The following PAX3 variants were observed in gnomAD, a reference collection of about 807,000 sequenced individuals.
PAX3 encodes the protein paired box 3, also known as paired box protein Pax-3.
In PAX3, 14 loss-of-function variants were observed where a neutral mutation model predicts 51.6. The ratio of observed to expected loss-of-function variants is 0.27; its 90% CI spans 0.18 to 0.42. The LOEUF is 0.42. Among genes scored for constraint, PAX3 ranks in the 10% least tolerant of loss-of-function variants. The probability of loss-of-function intolerance (pLI) is 1.00; values close to 1 mark genes in which losing one functional copy is unlikely to be tolerated. For missense variants in PAX3, 540 were observed against 642.8 expected, an observed-to-expected ratio of 0.84 and a Z score of 1.73; for synonymous variants, 280 against 253.4, an observed-to-expected ratio of 1.11 and a Z score of -1.00.
Position 222,251,572 on chromosome 2 carries a change from A to G in PAX3, c.587-19289T>C, listed in dbSNP as rs573369053. 2.0e-5 allele frequency among the ~76,000 whole-genome samples: 3 copies of G among 152,272 alleles called. No homozygotes were observed. The South Asian group carries it at 6.2e-4, about 32-fold the overall frequency. ...GTGAATAGTGCCACAATAAACATACATGTGCATGTGTCTTTATAGCAGCAT... is the reference window on the plus strand; with the variant it reads ...GTGAATAGTGCCACAATAAACATACGTGTGCATGTGTCTTTATAGCAGCAT... On this transcript the variant is annotated intron_variant, in intron 4 of 8. Coordinates refer to ENST00000392070, the MANE Select transcript of PAX3 (RefSeq NM_181458.4).
At chr2:222,243,602 G>GTTAT (rs1693099689) in intron 4 of PAX3, among the ~76,000 whole-genome samples, 1 of 152,198 alleles carries the variant, frequency 6.6e-6, no homozygotes. Context: ...ACCTAGATAT[G>GTTAT]TTATTTACTA....
At position 222,216,418 on chromosome 2, in the gene PAX3, G is replaced by A. The variant is rs1453516718; in HGVS notation, c.1173+3722C>T. ...TGCACAGACCCTTTCAGCAACTTGA[G>A]GAGGAACGACATCAGAGTTTCTAAA... On this transcript the variant is annotated intron_variant, in intron 7 of 8. Transcript: ENST00000392070. 1.3e-5 allele frequency among the ~76,000 whole-genome samples: 2 copies of A among 152,186 alleles called. 1 individual carries two copies. Among genetic ancestry groups the A allele is most frequent in the Admixed American group, 1.3e-4 (2 of 15,272 alleles).
chr2:222,250,361 T>C (rs1223159734), intron 4 of PAX3, among the ~76,000 whole-genome samples: 2 of 152,212 alleles, frequency 1.3e-5, no homozygotes, highest in Non-Finnish European at 2.9e-5. Flanking sequence ...TTCAAGATTT[T>C]AGCCAGCATG....
At chr2:222,219,388 C>A (rs1473302634) in intron 7 of PAX3, among the ~76,000 whole-genome samples, 2 of 152,160 alleles carry the variant, frequency 1.3e-5, no homozygotes, top group South Asian at 2.1e-4. Context: ...CTAATAAAAT[C>A]AAGGGATCTG....
chr2:222,201,908 C>A (rs375182072), intron 8 of PAX3, 36 bp downstream of exon 8: 4 of 1,613,952 alleles, frequency 2.5e-6, no homozygotes, highest in Non-Finnish European at 3.4e-6. Context: ...ATCTCCCTTC[C>A]AGGAGAAATT....
intron 4 of PAX3, among the ~76,000 whole-genome samples, chr2:222,269,909 T>G (rs543537130): frequency 6.6e-6 from 1 of 152,246 alleles, no homozygotes; most frequent in Non-Finnish European, 1.5e-5. Context: ...CATTTGTGCT[T>G]AAACACTTAA....
intron 5 of PAX3, among the ~76,000 whole-genome samples, chr2:222,228,958 A>G (rs565166452): frequency 6.6e-6 from 1 of 152,148 alleles, no homozygotes; most frequent in African/African-American, 2.4e-5. Context: ...AAACAAACAA[A>G]CAAACAAAAA....
intron 4 of PAX3, among the ~76,000 whole-genome samples, chr2:222,281,934 G>A (rs1002878120): frequency 5.3e-5 from 8 of 152,146 alleles, no homozygotes; most frequent in African/African-American, 1.4e-4. Flanking sequence ...AAGCACAAAC[G>A]AAAGTTCTAG....
At chr2:222,207,153 G>T (rs1296496560) in intron 7 of PAX3, among the ~76,000 whole-genome samples, 1 of 152,032 alleles carries the variant, frequency 6.6e-6, no homozygotes, top group Admixed American at 6.6e-5. Context: ...TTATCCAAAT[G>T]TTTTTTGCCA....
intron 7 of PAX3, among the ~76,000 whole-genome samples, chr2:222,211,868 C>A (rs1691749509): frequency 6.6e-6 from 1 of 152,190 alleles, no homozygotes; most frequent in Non-Finnish European, 1.5e-5. Flanking sequence ...TAATTTCTGA[C>A]TTTTACCAAA....
chr2:222,275,039 A>G (rs1219062869), intron 4 of PAX3, among the ~76,000 whole-genome samples: 4 of 152,226 alleles, frequency 2.6e-5, no homozygotes, highest in Admixed American at 2.6e-4. Context: ...GGCTAAGATC[A>G]GATTTCTTCT....
chr2:222,274,198 A>G (rs1694342653), intron 4 of PAX3, among the ~76,000 whole-genome samples: 1 of 152,194 alleles, frequency 6.6e-6, no homozygotes, highest in Non-Finnish European at 1.5e-5. Context: ...GAATTGTACA[A>G]CAGAGTCTCT....
In PAX3 at chr2:222,201,328, TG is replaced by T; in HGVS notation, c.*79del. 6.2e-7 allele frequency: 1 copy of T among 1,612,904 alleles called. No homozygotes were observed. Among genetic ancestry groups the T allele is most frequent in the Non-Finnish European group, 8.5e-7 (1 of 1,179,728 alleles). On this transcript the variant is annotated 3_prime_UTR_variant, in exon 9 of 9. Coordinates refer to ENST00000392070, the MANE Select transcript of PAX3 (RefSeq NM_181458.4). Reference sequence around the variant, plus strand: ...CCCCAACAAAAGGGTAATTTTTTTTTGTTTTCAGAGCAGATTCTTCATATCT... The same window carrying T: ...CCCCAACAAAAGGGTAATTTTTTTTTTTTTCAGAGCAGATTCTTCATATCT...
In PAX3 at chr2:222,282,405, CTT is replaced by C. The variant is rs768323460; in HGVS notation, c.586+11760_586+11761del. On this transcript the variant is annotated intron_variant, in intron 4 of 8. Coordinates refer to ENST00000392070, the MANE Select transcript of PAX3 (RefSeq NM_181458.4). The stretch of plus-strand genomic sequence containing the variant: ...GGTTTTTGAAAAAAACATAAAAAGT[CTT>C]TTGTGCAGAGATGGGCATGGATATA... Among the ~76,000 whole-genome samples the C allele has an allele frequency of 5.9e-5, 9 of 152,228 alleles. No individual in the cohort carries two copies. The East Asian group carries it at 1.5e-3, about 26-fold the overall frequency.
chr2:222,224,242 G>C (rs1468233417), intron 5 of PAX3, among the ~76,000 whole-genome samples: 1 of 152,156 alleles, frequency 6.6e-6, no homozygotes, highest in Admixed American at 6.6e-5. Context: ...AAATTGTTGT[G>C]AAGCAAATCT....
chr2:222,269,398 G>A (rs771751515), intron 4 of PAX3, among the ~76,000 whole-genome samples: 1 of 152,244 alleles, frequency 6.6e-6, no homozygotes, highest in Non-Finnish European at 1.5e-5. Context: ...CAATGCGAGT[G>A]CCAAAAGAGA....
At chr2:222,255,917 ATTT>A (rs57757180) in intron 4 of PAX3, among the ~76,000 whole-genome samples, 4 of 98,346 alleles carry the variant, frequency 4.1e-5, no homozygotes, top group South Asian at 3.8e-4. Context: ...CGCCCAGCTA[ATTT>A]TTTTTTTTTT....
At chr2:222,294,498 C>G (rs919468383) in intron 3 of PAX3, among the ~76,000 whole-genome samples, 197 bp from the exon 4 acceptor site, 2 of 152,118 alleles carry the variant, frequency 1.3e-5, no homozygotes, top group Admixed American at 6.5e-5. Context: ...CTCAAACCCC[C>G]CTCCCTATTA....
At chr2:222,234,428 A>T (rs1316631247) in intron 4 of PAX3, among the ~76,000 whole-genome samples, 1 of 152,188 alleles carries the variant, frequency 6.6e-6, no homozygotes, top group East Asian at 1.9e-4. Flanking sequence ...TGCATTATAA[A>T]CTCCAAAAGC....
Sources: allele counts gnomAD v4.1 joint callset (sites outside exome capture counted in the v4.1 genomes callset), GRCh38; gene constraint gnomAD v4.1.1; transcripts MANE v1.5; gene names NCBI Gene and HGNC (gene_info 2026-07-23, HGNC 2026-07-21).